The following GCNT1 variants were observed in gnomAD, a reference collection of about 807,000 sequenced individuals.
GCNT1 encodes the protein glucosaminyl (N-acetyl) transferase 1.
GCNT1 carries 16 observed loss-of-function variants against 26.2 expected under a neutral mutation model. The observed-to-expected ratio is 0.61, with a 90% confidence interval of 0.41 to 0.93. GCNT1 has a LOEUF of 0.93. Among genes scored for constraint, GCNT1 ranks in the 40% least tolerant of loss-of-function variants. The pLI is 0.00. For synonymous variants in GCNT1, 183 were observed against 190.8 expected (o/e 0.96, Z 0.34); for missense variants, 477 against 526.7 (o/e 0.91, Z 0.92).
At chr9:76,450,963 T>C (rs1823656297) in intron 1 of GCNT1, among the ~76,000 whole-genome samples, 1 of 152,220 alleles carries the variant, frequency 6.6e-6, no homozygotes, top group Non-Finnish European at 1.5e-5. Flanking sequence ...CTGTTTCTTT[T>C]TAAAAACATT....
At chr9:76,416,246 G>C (rs1436491056), upstream of GCNT1, among the ~76,000 whole-genome samples, 2 of 152,134 alleles carry the variant, frequency 1.3e-5, no homozygotes, top group Admixed American at 1.3e-4. Flanking sequence ...CTGAACTCCA[G>C]GGGGAAGATT....
intron 2 of GCNT1, among the ~76,000 whole-genome samples, chr9:76,461,829 G>A (rs1823877254): frequency 6.6e-6 from 1 of 152,054 alleles, no homozygotes; most frequent in African/African-American, 2.4e-5. Flanking sequence ...GCGGAGGTTA[G>A]GATGAGCAGG....
chr9:76,481,663 G>A lies in GCNT1; in HGVS notation c.-289-19253G>A, dbSNP rs946400428. On this transcript the variant is annotated intron_variant, in intron 2 of 3. Transcript: ENST00000376730. ...ATTTTAATTAGAGTTATAAATGCAC[G>A]TGATTTAAAAAAGAAGATATTTCCA... Among the ~76,000 whole-genome samples the A allele has an allele frequency of 4.6e-5, 7 of 152,126 alleles. No homozygotes were observed. In the Middle Eastern group the frequency reaches 0.01, roughly 222 times the overall value.
chr9:76,447,802 C>T (rs913992453), intron 1 of GCNT1, among the ~76,000 whole-genome samples: 9 of 152,166 alleles, frequency 5.9e-5, no homozygotes, highest in African/African-American at 2.2e-4. Context: ...CTCTGTGAGC[C>T]CCCTGGCTCA....
At chr9:76,492,490 G>A (rs1824771628) in intron 2 of GCNT1, among the ~76,000 whole-genome samples, 1 of 151,770 alleles carries the variant, frequency 6.6e-6, no homozygotes, top group Admixed American at 6.6e-5. Context: ...AGCCGCACCA[G>A]TGTCCAGGAG....
the GCNT1 span, among the ~76,000 whole-genome samples, chr9:76,406,901 C>A: frequency 6.7e-6 from 1 of 149,280 alleles, no homozygotes; most frequent in Non-Finnish European, 1.5e-5. Flanking sequence ...ATTAGCCGGG[C>A]ATGGTGGCTC....
chr9:76,444,356 A>C (rs565306455), intron 1 of GCNT1, among the ~76,000 whole-genome samples: 1 of 152,308 alleles, frequency 6.6e-6, no homozygotes, highest in African/African-American at 2.4e-5. Flanking sequence ...AGGGCTGTAG[A>C]GAAAAAAGAA....
Position 76,503,635 on chromosome 9 carries a change from G to A in GCNT1, c.1254G>A (p.Leu418=), listed in dbSNP as rs1427613963. ...LFAIQCLDEH[L]RHKALETLKH is the part of the protein sequence containing the mutation. ...CCATCCAGTGTTTGGATGAGCATTT[G>A]AGACACAAAGCTTTGGAGACATTAA... The change falls in exon 4 of 4, where the codon TTG becomes TTA. Residue 418 remains leucine (L), a synonymous_variant. Coordinates refer to ENST00000376730, the MANE Select transcript of GCNT1 (RefSeq NM_001490.5). The A allele has an allele frequency of 6.2e-7, 1 of 1,613,958 alleles. No individual in the cohort carries two copies. Among genetic ancestry groups the A allele is most frequent in the South Asian group, 1.1e-5 (1 of 91,070 alleles).
chr9:76,506,869 T>C lies in GCNT1; in HGVS notation c.*3201T>C, dbSNP rs1022083311. On this transcript the variant is annotated 3_prime_UTR_variant, in exon 4 of 4. Transcript: ENST00000376730. ...CAGTTCGTTTTCTCTGTAGGGTCGATTGAATTGGACCTTTTCAGTTGTTCA... is the reference window on the plus strand; with the variant it reads ...CAGTTCGTTTTCTCTGTAGGGTCGACTGAATTGGACCTTTTCAGTTGTTCA... The C allele has an allele frequency of 6.0e-6, 1 of 167,056 alleles. No homozygotes were observed. The highest frequency in any genetic ancestry group is 1.5e-5 in the Non-Finnish European group (1 of 68,116). The allele number at this position is 167,056 out of a possible 1,614,324, so 10.3% of individuals were successfully genotyped here.
chr9:76,462,803 GTTTC>G (rs990683633), intron 2 of GCNT1, among the ~76,000 whole-genome samples: 54 of 152,114 alleles, frequency 3.5e-4, no homozygotes, highest in Admixed American at 7.9e-4. Flanking sequence ...TGTCCTGCCA[GTTTC>G]TTTTTTTTTC....
intron 2 of GCNT1, among the ~76,000 whole-genome samples, chr9:76,471,847 A>C (rs1340618309): frequency 6.6e-6 from 1 of 151,626 alleles, no homozygotes; most frequent in Admixed American, 6.6e-5. Flanking sequence ...TAAGATGTAA[A>C]TTTTTTTTTC....
intron 2 of GCNT1, among the ~76,000 whole-genome samples, chr9:76,494,019 C>T (rs544944623): frequency 6.6e-6 from 1 of 152,158 alleles, no homozygotes; most frequent in African/African-American, 2.4e-5. Context: ...CTGTTGATGC[C>T]TGAGTGTTTC....
At chr9:76,479,929 C>A (rs1334432268) in intron 2 of GCNT1, among the ~76,000 whole-genome samples, 1 of 152,176 alleles carries the variant, frequency 6.6e-6, no homozygotes, top group Non-Finnish European at 1.5e-5. Flanking sequence ...AGTCCTTGCC[C>A]ATGCCTGTGT....
At chr9:76,447,730 T>G (rs1005072772) in intron 1 of GCNT1, among the ~76,000 whole-genome samples, 90 of 152,304 alleles carry the variant, frequency 5.9e-4, no homozygotes, top group African/African-American at 2.0e-3. Context: ...TTAAATAATT[T>G]TTATATCTAG....
intron 1 of GCNT1, among the ~76,000 whole-genome samples, chr9:76,453,429 C>T (rs1823704895): frequency 6.6e-6 from 1 of 152,128 alleles, no homozygotes; most frequent in South Asian, 2.1e-4. Flanking sequence ...TCATGTTTCC[C>T]AAAGAGGCCT....
chr9:76,483,070 G>T (rs1824465968), intron 2 of GCNT1, among the ~76,000 whole-genome samples: 1 of 152,048 alleles, frequency 6.6e-6, no homozygotes, highest in Admixed American at 6.6e-5. Flanking sequence ...GTATTACAAT[G>T]TAATAATAGT....
At chr9:76,444,554 A>C (rs1050155177) in intron 1 of GCNT1, among the ~76,000 whole-genome samples, 2 of 152,206 alleles carry the variant, frequency 1.3e-5, no homozygotes, top group African/African-American at 2.4e-5. Flanking sequence ...CAGGTAAAAC[A>C]AGTTTAGATA....
chr9:76,499,417 C>A (rs1825002845), intron 2 of GCNT1, among the ~76,000 whole-genome samples: 1 of 152,162 alleles, frequency 6.6e-6, no homozygotes. Context: ...CATGAGCCAC[C>A]ACACCTAGCC....
intron 1 of GCNT1, among the ~76,000 whole-genome samples, chr9:76,449,559 TA>T (rs1333853679): frequency 1.3e-5 from 2 of 152,132 alleles, no homozygotes; most frequent in African/African-American, 4.8e-5. Context: ...CACACCTCAC[TA>T]AACAAGCCTT....
Sources: allele counts gnomAD v4.1 joint callset (sites outside exome capture counted in the v4.1 genomes callset), GRCh38; gene constraint gnomAD v4.1.1; transcripts MANE v1.5; gene names NCBI Gene and HGNC (gene_info 2026-07-23, HGNC 2026-07-21).